Variants in EYS observed in about 807,000 individuals in gnomAD.
The protein encoded by EYS is EGF-like photoreceptor maintenance factor.
In EYS, 250 loss-of-function variants were observed where a neutral mutation model predicts 282.1. That is an observed-to-expected ratio of 0.89 (90% CI 0.80 to 0.98). The LOEUF is 0.98. Ranked by LOEUF, EYS falls within the 50% of genes least tolerant of loss-of-function variation. EYS has a pLI of 0.00. For synonymous variants in EYS, 1,355 were observed against 1,282.9 expected, an observed-to-expected ratio of 1.06 and a Z score of -1.20; for missense variants, 4,016 against 3,709.0, an observed-to-expected ratio of 1.08 and a Z score of -2.15.
Position 65,515,847 on chromosome 6 carries a change from C to T in EYS, c.-332-19854G>A, listed in dbSNP as rs983744160. On this transcript the variant is annotated intron_variant, in intron 2 of 42. Coordinates refer to ENST00000503581, the MANE Select transcript of EYS (RefSeq NM_001142800.2). ...AGGAGATATACCTAATGCTAAATGA[C>T]GAGTTAACGGGTGCAGCACACCAGC... 2.6e-4 allele frequency among the ~76,000 whole-genome samples: 39 copies of T among 149,724 alleles called. No homozygotes were observed. The East Asian group carries it at 3.4e-3, about 13-fold the overall frequency.
intron 22 of EYS, among the ~76,000 whole-genome samples, chr6:64,811,312 A>G (rs1018195224): frequency 2.0e-5 from 3 of 152,038 alleles, no homozygotes; most frequent in Non-Finnish European, 4.4e-5. Flanking sequence ...CTATTTAAAT[A>G]CAGTTTGAAT....
At chr6:64,265,209 C>CA (rs1413191571) in intron 30 of EYS, among the ~76,000 whole-genome samples, 2 of 152,046 alleles carry the variant, frequency 1.3e-5, no homozygotes, top group African/African-American at 2.4e-5. Context: ...TTTAAAGTCA[C>CA]AAAAAATGCC....
chr6:65,248,912 G>A (rs926576454), intron 12 of EYS, among the ~76,000 whole-genome samples: 1 of 151,892 alleles, frequency 6.6e-6, no homozygotes, highest in Non-Finnish European at 1.5e-5. Flanking sequence ...AGAATAGGAG[G>A]TCCTATAATA....
At chr6:65,577,728 T>C (rs1408937609) in intron 2 of EYS, among the ~76,000 whole-genome samples, 1 of 138,148 alleles carries the variant, frequency 7.2e-6, no homozygotes, top group Admixed American at 7.6e-5. Flanking sequence ...TCAATAATAT[T>C]AATAATAATA....
intron 1 of EYS, among the ~76,000 whole-genome samples, chr6:65,692,097 TA>T (rs1424356419): frequency 6.7e-6 from 1 of 150,272 alleles, no homozygotes; most frequent in East Asian, 2.2e-4. Flanking sequence ...TACTCAGGAA[TA>T]AAAAAGAATA....
chr6:65,404,715 A>T (rs1766652864), intron 6 of EYS, among the ~76,000 whole-genome samples: 1 of 152,038 alleles, frequency 6.6e-6, no homozygotes, highest in African/African-American at 2.4e-5. Context: ...AGGGGAAAAA[A>T]AATTCCTTTT....
chr6:63,791,051 A>G (rs1189679101), intron 37 of EYS, among the ~76,000 whole-genome samples: 1 of 152,164 alleles, frequency 6.6e-6, no homozygotes, highest in African/African-American at 2.4e-5. Context: ...TTCAAGTTCC[A>G]CGAAGAGCAG....
rs369103684 is a variant in EYS at position 65,476,388 on chromosome 6, A to G, written c.862+14206T>C. 1.1e-4 allele frequency among the ~76,000 whole-genome samples: 16 copies of G among 152,322 alleles called. No homozygotes were observed. The East Asian group carries it at 3.1e-3, about 29-fold the overall frequency. ...ATTTTTCCCCAAATTTACAAAATTGATTGTTCATTAAGATATTTATATGTA... is the reference window on the plus strand; with the variant it reads ...ATTTTTCCCCAAATTTACAAAATTGGTTGTTCATTAAGATATTTATATGTA... On this transcript the variant is annotated intron_variant, in intron 5 of 42. Coordinates refer to ENST00000503581, the MANE Select transcript of EYS (RefSeq NM_001142800.2).
At chr6:65,086,085 T>C (rs957268259) in intron 12 of EYS, among the ~76,000 whole-genome samples, 2 of 151,680 alleles carry the variant, frequency 1.3e-5, no homozygotes, top group Non-Finnish European at 2.9e-5. Context: ...GTTTTAAATA[T>C]GATAGTTTGA....
chr6:65,394,382 A>G (rs976055982), intron 7 of EYS, among the ~76,000 whole-genome samples: 1 of 152,154 alleles, frequency 6.6e-6, no homozygotes, highest in African/African-American at 2.4e-5. Context: ...ATGTCAGGTC[A>G]CAATGACTTT....
chr6:64,816,479 C>T (rs1177896460), intron 21 of EYS, among the ~76,000 whole-genome samples: 2 of 152,026 alleles, frequency 1.3e-5, no homozygotes, highest in Admixed American at 1.3e-4. Context: ...ACTTCTCTTA[C>T]CCCCACTTGT....
chr6:64,431,209 T>C (rs13210060), intron 28 of EYS, among the ~76,000 whole-genome samples: 42,102 of 151,914 alleles, frequency 0.28, 5,965 homozygotes, highest in East Asian at 0.46. Flanking sequence ...GACCTTTCTC[T>C]TTGGCTTGAA....
chr6:64,295,864 C>T (rs2150368932), intron 30 of EYS, among the ~76,000 whole-genome samples: 1 of 152,150 alleles, frequency 6.6e-6, no homozygotes, highest in African/African-American at 2.4e-5. Flanking sequence ...AGAATGACAG[C>T]TATACAATAC....
At chr6:65,493,047 C>G (rs917530886) in intron 4 of EYS, among the ~76,000 whole-genome samples, 2 of 152,118 alleles carry the variant, frequency 1.3e-5, no homozygotes, top group African/African-American at 4.8e-5. Context: ...TCCCGAGTAG[C>G]TGGGATTACA....
At chr6:63,973,635 C>A (rs1452608177) in intron 35 of EYS, among the ~76,000 whole-genome samples, 1 of 152,050 alleles carries the variant, frequency 6.6e-6, no homozygotes, top group African/African-American at 2.4e-5. Context: ...AAGATAAATT[C>A]GTATGAGAAC....
chr6:64,090,543 C>T (rs114119315), intron 31 of EYS, among the ~76,000 whole-genome samples: 4,369 of 152,166 alleles, frequency 0.029, 68 homozygotes, highest in Non-Finnish European at 0.046. Context: ...TTGTATGACT[C>T]ACCATGTGAC....
At chr6:64,611,323 T>G (rs1028374755) in intron 24 of EYS, among the ~76,000 whole-genome samples, 4 of 152,224 alleles carry the variant, frequency 2.6e-5, no homozygotes, top group Admixed American at 2.6e-4. Flanking sequence ...GAGATACCTT[T>G]CTAATCCTTA....
At chr6:64,353,009 G>C (rs1312164065) in intron 29 of EYS, among the ~76,000 whole-genome samples, 1 of 151,386 alleles carries the variant, frequency 6.6e-6, no homozygotes, top group Non-Finnish European at 1.5e-5. Flanking sequence ...ATGGACTATA[G>C]ACAGATGGCT....
intron 29 of EYS, among the ~76,000 whole-genome samples, chr6:64,366,199 T>A (rs1772173883): frequency 6.6e-6 from 1 of 152,024 alleles, no homozygotes; most frequent in Non-Finnish European, 1.5e-5. Flanking sequence ...GACAGCATTA[T>A]GAAAGTAACA....
Sources: gnomAD v4.1 joint callset for allele counts (sites outside exome capture counted in the v4.1 genomes callset) on GRCh38, gnomAD v4.1.1 for gene constraint, MANE v1.5 for transcripts, NCBI Gene and HGNC (gene_info 2026-07-23, HGNC 2026-07-21) for gene names.